The following DMXL1 variants were observed in gnomAD, a reference collection of about 807,000 sequenced individuals.
DMXL1 encodes Dmx like 1, also known as dmX-like protein 1.
In DMXL1, 99 loss-of-function variants were observed where a neutral mutation model predicts 319.2. The observed-to-expected ratio is 0.31, with a 90% CI of 0.26 to 0.37. The LOEUF (loss-of-function observed/expected upper bound fraction) is 0.37, where lower values mean the gene tolerates loss of function less well. Among genes scored for constraint, DMXL1 ranks in the 10% least tolerant of loss-of-function variants. DMXL1 has a pLI of 1.00. For missense variants in DMXL1, 3,745 were observed against 3,595.6 expected (o/e 1.04, Z -1.06); for synonymous variants, 1,385 against 1,235.2 (o/e 1.12, Z -2.54).
chr5:119,151,535 A>G lies in DMXL1; in HGVS notation c.4595-394A>G, dbSNP rs556455112. On this transcript the variant is annotated intron_variant, in intron 18 of 43. Transcript: ENST00000539542. ...GGAAAAAATATCAGGCCCTCCCACC[A>G]TAGAACTGTTTCTCCCAGTGTTAAC... Among the ~76,000 whole-genome samples, 13 of 152,296 alleles carry G rather than the reference A, an allele frequency of 8.5e-5. No individual in the cohort carries two copies. In the South Asian group the frequency reaches 2.3e-3, roughly 27 times the overall value.
Position 119,151,072 on chromosome 5 carries a change from G to A in DMXL1, c.4594+651G>A, listed in dbSNP as rs1045930816. Among the ~76,000 whole-genome samples the A allele has an allele frequency of 2.6e-5, 4 of 152,028 alleles. No homozygotes were observed. In the South Asian group the frequency reaches 6.2e-4, roughly 24 times the overall value. Reference sequence around the variant, plus strand: ...ACAATTATTTTAAGTACCTAAAAATGTGGTTTCTGGGTTTTTTCCCCTCAT... The same window carrying A: ...ACAATTATTTTAAGTACCTAAAAATATGGTTTCTGGGTTTTTTCCCCTCAT... On this transcript the variant is annotated intron_variant, in intron 18 of 43. Coordinates refer to ENST00000539542, the MANE Select transcript of DMXL1 (RefSeq NM_001290321.3).
intron 38 of DMXL1, among the ~76,000 whole-genome samples, chr5:119,230,011 T>C (rs1786370644): frequency 6.6e-6 from 1 of 152,296 alleles, no homozygotes; most frequent in Non-Finnish European, 1.5e-5. Context: ...GATCTAGATA[T>C]TCAATTAATA....
At position 119,220,943 on chromosome 5, in the gene DMXL1, A is replaced by G. The variant is rs935734921; in HGVS notation, c.8139A>G (p.Ser2713=). Residue 2713 remains serine, a synonymous_variant, in exon 37 of 44, where the codon TCA becomes TCG. Coordinates refer to ENST00000539542, the MANE Select transcript of DMXL1 (RefSeq NM_001290321.3). ...TCTGGTTGACATTCCTTTATAGATC[A>G]GAAGATTTCTTGGTTATACATGCTC... ...DDDIEVETKG[S]EDFLVIHARD... 1 of 1,613,014 alleles carries G rather than the reference A, an allele frequency of 6.2e-7. No homozygotes were observed. The highest frequency in any genetic ancestry group is 1.3e-5 in the African/African-American group (1 of 74,884).
At chr5:119,154,071 T>C (rs1008830102) in intron 19 of DMXL1, among the ~76,000 whole-genome samples, 7 of 152,246 alleles carry the variant, frequency 4.6e-5, no homozygotes, top group Non-Finnish European at 8.8e-5. Context: ...AAATGTTGTG[T>C]GTACTGTGGC....
intron 9 of DMXL1, 105 bp downstream of exon 9, chr5:119,121,244 C>A: frequency 1.2e-6 from 1 of 845,986 alleles, no homozygotes; most frequent in Non-Finnish European, 1.7e-6. Flanking sequence ...TTGGAGGTGA[C>A]TGTCTTAGCC....
At chr5:119,229,530 G>A (rs1000501560) in intron 38 of DMXL1, among the ~76,000 whole-genome samples, 3 of 151,956 alleles carry the variant, frequency 2.0e-5, no homozygotes, top group Admixed American at 6.6e-5. Context: ...TAGCATTCTC[G>A]TATCCATGCA....
intron 34 of DMXL1, among the ~76,000 whole-genome samples, chr5:119,216,094 C>CA (rs773591355): frequency 0.63 from 23,470 of 37,330 alleles, 10,277 homozygotes; most frequent in East Asian, 0.89. Flanking sequence ...GCATCCATCT[C>CA]AAAAAAAAAA....
Position 119,177,386 on chromosome 5 carries a change from T to C in DMXL1, c.6788T>C (p.Met2263Thr). The C allele has an allele frequency of 6.4e-7, 1 of 1,572,744 alleles. No homozygotes were observed. The highest frequency in any genetic ancestry group is 8.6e-7 in the Non-Finnish European group (1 of 1,160,652). ...SSFQTNQFTG[M>T]VYQTVLLPHR... ...TTTCAGACGAATCAGTTTACTGGAA[T>C]GGTATATCAGACAGTACTGCTTCCT... The change falls in exon 27 of 44, where the codon ATG becomes ACG. Residue 2263 changes from methionine to threonine, a missense_variant. Transcript: ENST00000539542.
At chr5:119,102,109 C>G (rs1757408483) in intron 3 of DMXL1, 103 bp downstream of exon 3, 2 of 631,122 alleles carry the variant, frequency 3.2e-6, no homozygotes, top group African/African-American at 3.8e-5. Flanking sequence ...TACTTATATA[C>G]TGTAATTGAA....
chr5:119,244,657 T>TA, intron 43 of DMXL1, 81 bp downstream of exon 43: 9 of 948,490 alleles, frequency 9.5e-6, no homozygotes, highest in African/African-American at 1.7e-5. Context: ...ATGACATCAA[T>TA]CTATTTAAAT....
intron 23 of DMXL1, among the ~76,000 whole-genome samples, chr5:119,168,449 A>G (rs368240437): frequency 4.6e-5 from 7 of 152,322 alleles, no homozygotes; most frequent in African/African-American, 1.4e-4. Flanking sequence ...ATATGTTTTC[A>G]TAGATTGAAT....
intron 4 of DMXL1, among the ~76,000 whole-genome samples, chr5:119,108,406 G>A (rs1293230530): frequency 6.6e-6 from 1 of 151,894 alleles, no homozygotes; most frequent in Non-Finnish European, 1.5e-5. Context: ...TTTATTTGGT[G>A]TCAAATCTTG....
chr5:119,110,205 T>G lies in DMXL1; in HGVS notation c.419T>G (p.Leu140Trp). 1 of 1,590,760 alleles carries G rather than the reference T, an allele frequency of 6.3e-7. No individual in the cohort carries two copies. The highest frequency in any genetic ancestry group is 1.2e-5 in the South Asian group (1 of 85,952). The change falls in exon 5 of 44, where the codon TTG (leucine) becomes TGG (tryptophan). Residue 140 changes from leucine to tryptophan, a missense_variant. Around this residue, in one of 4 missense-constraint regions of DMXL1, gnomAD observed 2,096 missense variants for 1,985.4 expected, o/e 1.06. Transcript: ENST00000539542. ...TTGCAACTCTGGTCCAATACTAACT[T>G]GGAGAAGCCAACTGAAGATGAAAAT... is the stretch of plus-strand genomic sequence containing the variant. ...SYLQLWSNTNLEKPTEDENLN... is the reference protein window; with the variant it reads ...SYLQLWSNTNWEKPTEDENLN...
chr5:119,089,265 T>TGTATATATATAC, intron 1 of DMXL1, among the ~76,000 whole-genome samples: 1 of 89,614 alleles, frequency 1.1e-5, no homozygotes, highest in Non-Finnish European at 2.1e-5. Flanking sequence ...TATATATGCA[T>TGTATATATATAC]ATATATATAT....
At chr5:119,117,214 G>C (rs528519988) in intron 7 of DMXL1, among the ~76,000 whole-genome samples, 1 of 151,994 alleles carries the variant, frequency 6.6e-6, no homozygotes, top group East Asian at 1.9e-4. Flanking sequence ...TTTCTTTTCG[G>C]ATTTTTTGTA....
chr5:119,192,192 A>G (rs992743335), intron 29 of DMXL1, among the ~76,000 whole-genome samples: 5 of 152,124 alleles, frequency 3.3e-5, no homozygotes, highest in Non-Finnish European at 7.4e-5. Context: ...TCATCATCCC[A>G]ATTTAAAGTT....
At chr5:119,173,776 G>GTGTATGTATATATATATATATATATA in intron 25 of DMXL1, among the ~76,000 whole-genome samples, 6 of 67,170 alleles carry the variant, frequency 8.9e-5, no homozygotes, top group African/African-American at 3.3e-4. Flanking sequence ...ATGTGTGTGT[G>GTGTATGTATATATATATATATATATA]TATATATATA....
chr5:119,105,309 T>C (rs1170818825), intron 4 of DMXL1, 51 bp downstream of exon 4: 7 of 1,428,472 alleles, frequency 4.9e-6, no homozygotes. Context: ...TGCCTAGTTG[T>C]TCTTATTTTT....
At chr5:119,089,280 A>ATATATATATATATG (rs1754092464) in intron 1 of DMXL1, among the ~76,000 whole-genome samples, 4 of 21,830 alleles carry the variant, frequency 1.8e-4, no homozygotes. Flanking sequence ...ATATATACAT[A>ATATATATATATATG]TATATATATA....
Sources: allele counts gnomAD v4.1 joint callset (sites outside exome capture counted in the v4.1 genomes callset), GRCh38; gene constraint gnomAD v4.1.1; regional missense constraint gnomAD v4.1.1; transcripts MANE v1.5; gene names NCBI Gene and HGNC (gene_info 2026-07-23, HGNC 2026-07-21).